The following RBFOX1 variants were observed in gnomAD, a reference collection of about 807,000 sequenced individuals.
RBFOX1 encodes RNA binding protein fox-1 homolog 1.
In RBFOX1, 8 loss-of-function variants were observed where a neutral mutation model predicts 57.7. The observed-to-expected ratio is 0.14, with a 90% CI of 0.08 to 0.25. RBFOX1 has a LOEUF of 0.25. Among genes scored for constraint, RBFOX1 ranks in the 10% least tolerant of loss-of-function variants. RBFOX1 has a pLI of 1.00. For missense variants in RBFOX1, 611 were observed against 548.5 expected (o/e 1.11, Z -1.14); for synonymous variants, 326 against 222.4 (o/e 1.47, Z -4.15).
intron 2 of RBFOX1, among the ~76,000 whole-genome samples, chr16:5,581,315 C>G (rs931266534): frequency 6.6e-6 from 1 of 152,204 alleles, no homozygotes; most frequent in Admixed American, 6.5e-5. Context: ...GGTCCTAACT[C>G]TAGCAAGTTG....
chr16:6,744,004 A>G (rs965457803), intron 3 of RBFOX1, among the ~76,000 whole-genome samples: 1 of 151,980 alleles, frequency 6.6e-6, no homozygotes, highest in South Asian at 2.1e-4. Context: ...GTGTGTTCGC[A>G]TGTTTAAATA....
rs138739586 is a variant in RBFOX1 at position 7,705,512 on chromosome 16, T to G, written c.996-3544T>G. Among the ~76,000 whole-genome samples, 350 of 152,150 alleles carry G rather than the reference T, an allele frequency of 2.3e-3. 2 individuals carry two copies. Among genetic ancestry groups the G allele is most frequent in the African/African-American group, 8.1e-3 (335 of 41,536 alleles). On this transcript the variant is annotated intron_variant, in intron 14 of 15. Coordinates refer to ENST00000550418, the MANE Select transcript of RBFOX1 (RefSeq NM_018723.4). ...AGAGCAAGACCAACTCAAAAAAATA[T>G]TAAATTTTTTAAAAATCCTATGTGC...
chr16:7,167,999 T>C (rs1254238453), intron 4 of RBFOX1, among the ~76,000 whole-genome samples: 2 of 152,198 alleles, frequency 1.3e-5, no homozygotes, highest in Non-Finnish European at 2.9e-5. Flanking sequence ...GTAAGGATTT[T>C]TTTTAAACTT....
rs1256238759 is a variant in RBFOX1 at position 6,817,721 on chromosome 16, C to G, written c.-16+163071C>G. On this transcript the variant is annotated intron_variant, in intron 3 of 15. Coordinates refer to ENST00000550418, the MANE Select transcript of RBFOX1 (RefSeq NM_018723.4). ...CTGTCTCAAAGAAAAAAAAAACAAA[C>G]AAAAAAAACTACCAACAGTCTACAT... 1.3e-5 allele frequency among the ~76,000 whole-genome samples: 2 copies of G among 151,136 alleles called. 1 individual carries two copies. The highest frequency in any genetic ancestry group is 6.8e-3 in the Middle Eastern group (2 of 292).
chr16:6,593,294 T>A (rs2097739438), intron 2 of RBFOX1, among the ~76,000 whole-genome samples: 1 of 152,178 alleles, frequency 6.6e-6, no homozygotes, highest in African/African-American at 2.4e-5. Flanking sequence ...TATTGCTCAA[T>A]ACAGGGTGTA....
intron 1 of RBFOX1, among the ~76,000 whole-genome samples, chr16:6,311,199 G>A (rs145574205): frequency 5.2e-4 from 78 of 149,952 alleles, no homozygotes; most frequent in African/African-American, 1.8e-3. Flanking sequence ...AGGTGGCTGA[G>A]GCAGAAGAAT....
At chr16:5,298,333 A>G (rs984535329) in intron 1 of RBFOX1, among the ~76,000 whole-genome samples, 2 of 152,178 alleles carry the variant, frequency 1.3e-5, no homozygotes, top group African/African-American at 4.8e-5. Flanking sequence ...ATTTTGAAGT[A>G]ATAGTAAGAT....
intron 4 of RBFOX1, among the ~76,000 whole-genome samples, chr16:5,868,200 C>T (rs1215677536): frequency 6.6e-6 from 1 of 152,222 alleles, no homozygotes; most frequent in African/African-American, 2.4e-5. Context: ...GCCGGTCACT[C>T]TCACTCCTGA....
chr16:6,607,787 G>A lies in RBFOX1; in HGVS notation c.-63-46816G>A, dbSNP rs79993685. Among the ~76,000 whole-genome samples, 632 of 152,254 alleles carry A rather than the reference G, an allele frequency of 4.2e-3. 7 individuals carry two copies. Among genetic ancestry groups the A allele is most frequent in the African/African-American group, 0.014 (581 of 41,538 alleles). On this transcript the variant is annotated intron_variant, in intron 2 of 15. Transcript: ENST00000550418. Reference sequence around the variant, plus strand: ...ATTCAGTGTCTACAACATAGCTCCCGAATAATGTTTCACATCCTAATGAGC... The same window carrying A: ...ATTCAGTGTCTACAACATAGCTCCCAAATAATGTTTCACATCCTAATGAGC...
chr16:7,628,178 T>C (rs369130240), intron 10 of RBFOX1, among the ~76,000 whole-genome samples: 2 of 152,188 alleles, frequency 1.3e-5, no homozygotes, highest in East Asian at 3.9e-4. Context: ...ATTTTTCTTT[T>C]GAAATTTAGC....
chr16:6,663,105 G>A (rs1303128551), intron 3 of RBFOX1, among the ~76,000 whole-genome samples: 2 of 152,176 alleles, frequency 1.3e-5, no homozygotes, highest in African/African-American at 2.4e-5. Context: ...GGATACAGGA[G>A]TACAGGGTGG....
At chr16:7,472,185 T>G (rs533438915) in intron 4 of RBFOX1, among the ~76,000 whole-genome samples, 1 of 152,330 alleles carries the variant, frequency 6.6e-6, no homozygotes, top group Non-Finnish European at 1.5e-5. Flanking sequence ...AGCTTCTCTT[T>G]TAAGAGATAG....
chr16:5,974,173 C>T (rs766551929), intron 4 of RBFOX1, among the ~76,000 whole-genome samples: 1 of 152,312 alleles, frequency 6.6e-6, no homozygotes, highest in South Asian at 2.1e-4. Context: ...GGATGCACAG[C>T]AGGCAATGCC....
At chr16:5,615,382 G>A (rs1325192265) in intron 3 of RBFOX1, among the ~76,000 whole-genome samples, 2 of 152,200 alleles carry the variant, frequency 1.3e-5, no homozygotes, top group Non-Finnish European at 2.9e-5. Flanking sequence ...TTTGATGTGT[G>A]CTTGATAGAC....
At chr16:6,837,036 A>T (rs550203069) in intron 3 of RBFOX1, among the ~76,000 whole-genome samples, 55 of 152,194 alleles carry the variant, frequency 3.6e-4, no homozygotes, top group African/African-American at 1.3e-3. Flanking sequence ...CGGCTTTTAC[A>T]GTAAGCCCAG....
At chr16:6,699,056 G>A (rs528857385) in intron 3 of RBFOX1, among the ~76,000 whole-genome samples, 4 of 152,262 alleles carry the variant, frequency 2.6e-5, no homozygotes, top group Admixed American at 1.3e-4. Context: ...TATTACCTTA[G>A]GGATTCAAGT....
At chr16:7,316,805 C>G (rs1280980229) in intron 4 of RBFOX1, among the ~76,000 whole-genome samples, 1 of 151,950 alleles carries the variant, frequency 6.6e-6, no homozygotes, top group Non-Finnish European at 1.5e-5. Flanking sequence ...TGTGTAGTGC[C>G]TGTTGCTTGC....
chr16:7,385,807 G>A (rs144256609), intron 4 of RBFOX1, among the ~76,000 whole-genome samples: 1,904 of 152,184 alleles, frequency 0.013, 37 homozygotes, highest in African/African-American at 0.042. Context: ...AGGCTGGAGT[G>A]CAGTGGTGCG....
chr16:6,006,173 C>T (rs760694902), intron 4 of RBFOX1, among the ~76,000 whole-genome samples: 2 of 152,152 alleles, frequency 1.3e-5, no homozygotes, highest in African/African-American at 2.4e-5. Flanking sequence ...TAATAGCACC[C>T]GGTTTCCTAC....
Sources: gnomAD v4.1 joint callset for allele counts (sites outside exome capture counted in the v4.1 genomes callset) on GRCh38, gnomAD v4.1.1 for gene constraint, MANE v1.5 for transcripts, NCBI Gene and HGNC (gene_info 2026-07-23, HGNC 2026-07-21) for gene names.